The following FBN2 variants were observed in gnomAD, a reference collection of about 807,000 sequenced individuals.
FBN2 encodes fibrillin-2.
FBN2 carries 105 observed loss-of-function variants against 355.6 expected under a neutral mutation model. That is an observed-to-expected ratio of 0.30 (90% CI 0.25 to 0.35). FBN2 has a LOEUF of 0.35. FBN2 is among the 10% of genes least tolerant of loss of function. FBN2 has a pLI of 1.00. For missense variants in FBN2, 3,280 were observed against 3,758.7 expected (o/e 0.87, Z 3.33); for synonymous variants, 1,350 against 1,301.2 (o/e 1.04, Z -0.81).
chr5:128,334,664 T>G, intron 31 of FBN2, 55 bp downstream of exon 31: 1 of 1,599,468 alleles, frequency 6.3e-7, no homozygotes, highest in South Asian at 1.1e-5. Context: ...ATGTTGAAAG[T>G]TGGCCTTTGA....
At chr5:128,392,895 G>C (rs182107144) in intron 10 of FBN2, among the ~76,000 whole-genome samples, 54 of 152,168 alleles carry the variant, frequency 3.5e-4, no homozygotes, top group African/African-American at 1.2e-3. Flanking sequence ...TAATTTAACA[G>C]AAAGTTTACA....
At chr5:128,508,548 C>T (rs1756025552) in intron 5 of FBN2, among the ~76,000 whole-genome samples, 1 of 151,898 alleles carries the variant, frequency 6.6e-6, no homozygotes, top group Non-Finnish European at 1.5e-5. Context: ...TATTTTACCA[C>T]CACATCTACT....
At chr5:128,303,129 T>A in intron 45 of FBN2, 40 bp from the exon 46 acceptor site, 1 of 1,195,706 alleles carries the variant, frequency 8.4e-7, no homozygotes, top group Non-Finnish European at 1.3e-6. Context: ...AATTTTTAAC[T>A]AGAAAAAAAT....
At chr5:128,374,304 T>C (rs1294782833) in intron 15 of FBN2, among the ~76,000 whole-genome samples, 2 of 152,182 alleles carry the variant, frequency 1.3e-5, no homozygotes, top group African/African-American at 4.8e-5. Context: ...TCACTACAGA[T>C]GATTTTAGAA....
chr5:128,259,845 G>T lies in FBN2; in HGVS notation c.8365-16C>A. 1 of 1,613,030 alleles carries T rather than the reference G, an allele frequency of 6.2e-7. No homozygotes were observed. Among genetic ancestry groups the T allele is most frequent in the African/African-American group, 1.3e-5 (1 of 74,854 alleles). ...TCTGTTCAACCTGGAGGAAGAACAGGAAATGATTTGGGACAAGCTTCTACA... is the reference window on the plus strand; with the variant it reads ...TCTGTTCAACCTGGAGGAAGAACAGTAAATGATTTGGGACAAGCTTCTACA... On this transcript the variant is annotated splice_polypyrimidine_tract_variant and intron_variant, in intron 64 of 64. Coordinates refer to ENST00000262464, the MANE Select transcript of FBN2 (RefSeq NM_001999.4).
chr5:128,423,791 T>C (rs1025963886), intron 7 of FBN2, among the ~76,000 whole-genome samples: 1 of 151,946 alleles, frequency 6.6e-6, no homozygotes, highest in Admixed American at 6.6e-5. Flanking sequence ...TGTGCTGCAG[T>C]GTGGAGAAAG....
Position 128,377,765 on chromosome 5 carries a change from T to C in FBN2, c.1836A>G (p.Gly612=), listed in dbSNP as rs1399438169. The C allele has an allele frequency of 1.2e-6, 2 of 1,613,436 alleles. No individual in the cohort carries two copies. The highest frequency in any genetic ancestry group is 2.7e-5 in the African/African-American group (2 of 74,872). Reference sequence around the variant, plus strand: ...CAATTTCCATACCAACACAGTTTTTTCCATCTGTAGTTAATTCAAAGCCGG... The same window carrying C: ...CAATTTCCATACCAACACAGTTTTTCCCATCTGTAGTTAATTCAAAGCCGG... ...CNAGFELTTD[G]KNCVDHDECT... Residue 612 remains glycine, a synonymous_variant, in exon 13 of 65, where the codon GGA becomes GGG. Transcript: ENST00000262464.
At chr5:128,280,921 C>CT (rs1561745745) in intron 55 of FBN2, among the ~76,000 whole-genome samples, 2 of 151,972 alleles carry the variant, frequency 1.3e-5, no homozygotes, top group African/African-American at 4.8e-5. Context: ...ACTTTTTGTG[C>CT]TTTTTTGATA....
chr5:128,289,342 G>T, intron 51 of FBN2, 90 bp from the exon 52 acceptor site: 2 of 1,378,710 alleles, frequency 1.5e-6, no homozygotes, highest in South Asian at 1.2e-5. Context: ...CCAGCACTTT[G>T]GGAGGCCGAG....
chr5:128,474,270 G>T (rs1754950904), intron 5 of FBN2, among the ~76,000 whole-genome samples: 1 of 152,152 alleles, frequency 6.6e-6, no homozygotes, highest in Non-Finnish European at 1.5e-5. Context: ...GAAGAAGAAA[G>T]TTAAAGAGAT....
At chr5:128,311,858 A>G (rs1168722844) in intron 38 of FBN2, 27 bp downstream of exon 38, 2 of 1,557,542 alleles carry the variant, frequency 1.3e-6, no homozygotes, top group Non-Finnish European at 1.8e-6. Context: ...CCTTGTTTGA[A>G]TCTGGGTGAC....
intron 24 of FBN2, 104 bp downstream of exon 24, chr5:128,345,253 A>T: frequency 1.0e-6 from 1 of 955,442 alleles, no homozygotes; most frequent in South Asian, 1.3e-5. Context: ...TAACTGAGAA[A>T]ATAAAGTGGG....
chr5:128,391,555 A>G (rs1206593167), intron 11 of FBN2, among the ~76,000 whole-genome samples: 2 of 152,272 alleles, frequency 1.3e-5, no homozygotes, highest in East Asian at 3.9e-4. Context: ...GGTAATTATC[A>G]AAGTAGAGAT....
chr5:128,373,234 G>A (rs912113848), intron 15 of FBN2, among the ~76,000 whole-genome samples: 2 of 152,250 alleles, frequency 1.3e-5, no homozygotes, highest in South Asian at 4.1e-4. Context: ...AACTGGCTTT[G>A]TGCTCATGGT....
At position 128,379,088 on chromosome 5, in the gene FBN2, C is replaced by T. The variant is rs189896224; in HGVS notation, c.1604-198G>A. On this transcript the variant is annotated intron_variant, in intron 11 of 64. Transcript: ENST00000262464. The stretch of plus-strand genomic sequence containing the variant: ...AGTTTGAGGATTTACAAAAATATCA[C>T]CTTTTAGAGAGTACCATGGGAATTT... Among the ~76,000 whole-genome samples, 3 of 152,202 alleles carry T rather than the reference C, an allele frequency of 2.0e-5. No individual in the cohort carries two copies. In the East Asian group the frequency reaches 5.8e-4, roughly 29 times the overall value.
At chr5:128,348,025 G>A (rs1350606955) in intron 23 of FBN2, among the ~76,000 whole-genome samples, 1 of 152,146 alleles carries the variant, frequency 6.6e-6, no homozygotes, top group Non-Finnish European at 1.5e-5. Context: ...GACCTCAGGT[G>A]ATCCACCTGT....
chr5:128,276,192 T>C (rs1014002223), intron 58 of FBN2, 32 bp from the exon 59 acceptor site: 3 of 1,610,584 alleles, frequency 1.9e-6, no homozygotes, highest in Non-Finnish European at 2.5e-6. Flanking sequence ...ATTAAATTAC[T>C]GGTTAAAAGA....
Position 128,408,709 on chromosome 5 carries a change from C to T in FBN2, c.1043G>A (p.Gly348Glu). 6.2e-7 allele frequency: 1 copy of T among 1,614,016 alleles called. No individual in the cohort carries two copies. The change falls in exon 8 of 65, where the codon GGA becomes GAA. Residue 348 changes from glycine to glutamate, a missense_variant. Physicochemically the swap from Gly to Glu is moderately conservative, Grantham distance 98 (BLOSUM62 -2). Transcript: ENST00000262464. ...VGSYFCVCPR[G>E]YVTSTDGSRC... ...AGAGCCATCTGTTGAGGTTACATATCCACGTGGACAAACACAAAAATAGCT... is the reference window on the plus strand; with the variant it reads ...AGAGCCATCTGTTGAGGTTACATATTCACGTGGACAAACACAAAAATAGCT...
chr5:128,387,843 A>G (rs1489153027), intron 11 of FBN2, among the ~76,000 whole-genome samples: 2 of 152,162 alleles, frequency 1.3e-5, no homozygotes, highest in Non-Finnish European at 2.9e-5. Flanking sequence ...ACTGTTCTGT[A>G]GATATCTGTT....
Sources: allele counts gnomAD v4.1 joint callset (sites outside exome capture counted in the v4.1 genomes callset), GRCh38; gene constraint gnomAD v4.1.1; transcripts MANE v1.5; gene names NCBI Gene and HGNC (gene_info 2026-07-23, HGNC 2026-07-21).